The following DLGAP1 variants were observed in gnomAD, a reference collection of about 807,000 sequenced individuals.
The protein encoded by DLGAP1 is disks large-associated protein 1.
Under a neutral mutation model 90.8 loss-of-function variants are expected in DLGAP1, and 11 were observed. The observed-to-expected ratio is 0.12, with a 90% CI of 0.08 to 0.20. DLGAP1 has a LOEUF of 0.20. Among genes scored for constraint, DLGAP1 ranks in the 10% least tolerant of loss-of-function variants. The pLI is 1.00. For missense variants in DLGAP1, 1,050 were observed against 1,333.8 expected (o/e 0.79, Z 3.31); for synonymous variants, 558 against 540.7 (o/e 1.03, Z -0.44).
chr18:4,098,797 C>T (rs1321896785), intron 2 of DLGAP1, among the ~76,000 whole-genome samples: 1 of 152,084 alleles, frequency 6.6e-6, no homozygotes, highest in Admixed American at 6.5e-5. Flanking sequence ...TTGCATGGTA[C>T]TTTACACTTT....
At chr18:3,824,020 T>C (rs1294642138) in intron 4 of DLGAP1, among the ~76,000 whole-genome samples, 5 of 147,900 alleles carry the variant, frequency 3.4e-5, no homozygotes, top group African/African-American at 1.3e-4. Flanking sequence ...TTCCACTGAC[T>C]ATATAGGAGA....
intron 7 of DLGAP1, chr18:3,597,054 C>T: frequency 1.9e-6 from 1 of 520,046 alleles, no homozygotes; most frequent in South Asian, 1.4e-5. Flanking sequence ...TCCTGTGCAG[C>T]TGTTTTTCTT....
At chr18:3,962,567 C>T (rs972302063) in intron 3 of DLGAP1, 7 of 152,104 alleles carry the variant, frequency 4.6e-5, no homozygotes, top group South Asian at 2.1e-4. Context: ...TCAGTATTTT[C>T]CCTCTTCCAT....
intron 7 of DLGAP1, among the ~76,000 whole-genome samples, chr18:3,683,886 A>AT (rs770025789): frequency 2.0e-5 from 3 of 152,046 alleles, no homozygotes; most frequent in Non-Finnish European, 4.4e-5. Context: ...AAGATTCTTA[A>AT]TTTTTTCATC....
intron 7 of DLGAP1, among the ~76,000 whole-genome samples, chr18:3,692,824 A>G (rs2060945084): frequency 6.7e-6 from 1 of 148,646 alleles, no homozygotes; most frequent in African/African-American, 2.4e-5. Context: ...TGGAAATTCA[A>G]ACAACTTCTC....
At chr18:3,833,155 T>C (rs1376615760) in intron 4 of DLGAP1, among the ~76,000 whole-genome samples, 1 of 1,174 alleles carries the variant, frequency 8.5e-4, no homozygotes, top group African/African-American at 3.0e-3. Flanking sequence ...CCTTCCTTCC[T>C]TCCTTCCTTC....
intron 3 of DLGAP1, among the ~76,000 whole-genome samples, chr18:3,890,992 A>G (rs2071444791): frequency 6.6e-6 from 1 of 152,234 alleles, no homozygotes; most frequent in Non-Finnish European, 1.5e-5. Flanking sequence ...TCAAATCAAT[A>G]CATATGACTT....
intron 7 of DLGAP1, among the ~76,000 whole-genome samples, chr18:3,616,105 G>A (rs890294194): frequency 1.3e-5 from 2 of 152,172 alleles, no homozygotes; most frequent in African/African-American, 2.4e-5. Flanking sequence ...TAATTTGTAC[G>A]TGGGATTATT....
At chr18:3,925,652 G>A (rs781192274) in intron 3 of DLGAP1, among the ~76,000 whole-genome samples, 6 of 152,050 alleles carry the variant, frequency 3.9e-5, no homozygotes, top group Non-Finnish European at 5.9e-5. Flanking sequence ...TCATACTTCC[G>A]GGCACACAGA....
chr18:3,897,858 A>G (rs182538123), intron 3 of DLGAP1, among the ~76,000 whole-genome samples: 2,873 of 139,216 alleles, frequency 0.021, 40 homozygotes, highest in Admixed American at 0.023. Flanking sequence ...GCAGTGGCGC[A>G]ATCTCGGCTC....
intron 1 of DLGAP1, among the ~76,000 whole-genome samples, chr18:4,247,154 C>T (rs1471481554): frequency 1.3e-5 from 2 of 152,116 alleles, no homozygotes; most frequent in African/African-American, 4.8e-5. Flanking sequence ...AATAGTATTA[C>T]TATATTACTA....
rs567261904 is a variant in DLGAP1, at chr18:3,871,707, T to C, written c.957+7405A>G. On this transcript the variant is annotated intron_variant, in intron 4 of 12. Coordinates refer to ENST00000315677, the MANE Select transcript of DLGAP1 (RefSeq NM_004746.4). ...AATTTTCCAACGTCTATGAAAAATCTGTTTCTCCACTTCATAGTCATACCT... is the reference window on the plus strand; with the variant it reads ...AATTTTCCAACGTCTATGAAAAATCCGTTTCTCCACTTCATAGTCATACCT... Among the ~76,000 whole-genome samples, 224 of 152,358 alleles carry C rather than the reference T, an allele frequency of 1.5e-3. 1 individual carries two copies. The South Asian group carries it at 0.017, about 11-fold the overall frequency.
intron 7 of DLGAP1, among the ~76,000 whole-genome samples, chr18:3,693,160 G>T (rs529875736): frequency 6.6e-5 from 10 of 152,298 alleles, no homozygotes; most frequent in African/African-American, 2.4e-4. Flanking sequence ...CATAGCTACT[G>T]CAGCCTCGAA....
At chr18:3,791,055 C>T (rs1229316168) in intron 5 of DLGAP1, among the ~76,000 whole-genome samples, 2 of 152,168 alleles carry the variant, frequency 1.3e-5, no homozygotes, top group Admixed American at 6.5e-5. Context: ...AGTGCAGGTT[C>T]ACCTAGATGG....
intron 6 of DLGAP1, among the ~76,000 whole-genome samples, chr18:3,731,381 G>A (rs958194869): frequency 1.3e-5 from 2 of 151,994 alleles, no homozygotes; most frequent in Non-Finnish European, 2.9e-5. Context: ...ATATAATTCT[G>A]CAACTTGTTG....
At chr18:3,537,712 A>G (rs2052457830) in intron 9 of DLGAP1, among the ~76,000 whole-genome samples, 1 of 152,184 alleles carries the variant, frequency 6.6e-6, no homozygotes, top group African/African-American at 2.4e-5. Flanking sequence ...TGGCTACACC[A>G]TTTTGCATTC....
intron 2 of DLGAP1, among the ~76,000 whole-genome samples, chr18:4,051,453 C>A (rs981724135): frequency 4.6e-5 from 7 of 152,160 alleles, no homozygotes; most frequent in East Asian, 3.8e-4. Context: ...GGGGGGAAAG[C>A]CCCTTATAAA....
intron 1 of DLGAP1, among the ~76,000 whole-genome samples, chr18:4,231,283 T>A (rs2078293867): frequency 6.6e-6 from 1 of 152,152 alleles, no homozygotes; most frequent in South Asian, 2.1e-4. Flanking sequence ...AAGCATTTTC[T>A]TATGGTGTTT....
intron 7 of DLGAP1, among the ~76,000 whole-genome samples, chr18:3,689,593 C>A (rs536381250): frequency 1.3e-5 from 2 of 152,056 alleles, no homozygotes; most frequent in African/African-American, 4.8e-5. Flanking sequence ...TGGAGAATTG[C>A]TACCCACCTC....
Sources: allele counts gnomAD v4.1 joint callset (sites outside exome capture counted in the v4.1 genomes callset), GRCh38; gene constraint gnomAD v4.1.1; transcripts MANE v1.5; gene names NCBI Gene and HGNC (gene_info 2026-07-23, HGNC 2026-07-21).